Variants in OTOG observed in about 807,000 individuals in gnomAD.
The protein encoded by OTOG is otogelin.
OTOG carries 296 observed loss-of-function variants against 313.8 expected under a neutral mutation model. That is an observed-to-expected ratio of 0.94 (90% CI 0.86 to 1.04). The LOEUF (loss-of-function observed/expected upper bound fraction) is 1.04. OTOG is among the 50% of genes least tolerant of loss of function. OTOG has a pLI of 0.00. For missense variants in OTOG, 3,948 were observed against 3,840.1 expected (o/e 1.03, Z -0.74); for synonymous variants, 1,533 against 1,554.9 (o/e 0.99, Z 0.33).
At position 17,574,848 on chromosome 11, in the gene OTOG, G is replaced by C. The variant is rs1365310907; in HGVS notation, c.2422G>C (p.Val808Leu). The C allele has an allele frequency of 1.2e-5, 18 of 1,548,616 alleles. No homozygotes were observed. Among genetic ancestry groups the C allele is most frequent in the Non-Finnish European group, 1.6e-5 (18 of 1,145,946 alleles). ...CGATGACCTGAGCAGAGACGAGTGT[G>C]TGGAGGGCTGTGCCTGCCCACCGGA... Reference protein sequence around the residue: ...GGDDLSRDECVEGCACPPDTY... With the variant: ...GGDDLSRDECLEGCACPPDTY... Residue 808 changes from valine (V) to leucine (L), a missense_variant, in exon 20 of 56, where the codon GTG (valine) becomes CTG (leucine). Coordinates refer to ENST00000399397, the MANE Select transcript of OTOG (RefSeq NM_001292063.2).
At chr11:17,569,672 A>G (rs1484335807) in intron 16 of OTOG, among the ~76,000 whole-genome samples, 3 of 152,244 alleles carry the variant, frequency 2.0e-5, no homozygotes, top group Non-Finnish European at 4.4e-5. Context: ...AAAACCTAGC[A>G]CCAGAAAGAA....
chr11:17,559,143 A>G lies in OTOG; in HGVS notation c.1195A>G (p.Thr399Ala). ...AGGGCGGCCCTTGCAAGGCTGGAGG[A>G]CCCAGCTCCGGCAATGCAGTAGGTG... Reference protein sequence around the residue: ...QAGRPLQGWRTQLRQCTVHCK... With the variant: ...QAGRPLQGWRAQLRQCTVHCK... Residue 399 changes from threonine to alanine, a missense_variant, in exon 11 of 56, where the codon ACC becomes GCC. Thr to Ala is a moderately conservative substitution (Grantham distance 58). Transcript: ENST00000399397. The G allele has an allele frequency of 1.3e-6, 2 of 1,539,448 alleles. No individual in the cohort carries two copies. The highest frequency in any genetic ancestry group is 2.4e-5 in the East Asian group (1 of 40,894).
At chr11:17,625,516 G>A (rs1853962423) in intron 39 of OTOG, among the ~76,000 whole-genome samples, 1 of 152,114 alleles carries the variant, frequency 6.6e-6, no homozygotes. Flanking sequence ...ACTTGATCGT[G>A]GTGAATAAGC....
intron 39 of OTOG, among the ~76,000 whole-genome samples, chr11:17,618,020 C>A (rs562881122): frequency 6.6e-6 from 1 of 151,958 alleles, no homozygotes; most frequent in African/African-American, 2.4e-5. Context: ...TCACACCATT[C>A]TCCTGCCTCA....
intron 39 of OTOG, among the ~76,000 whole-genome samples, chr11:17,624,399 T>C (rs1231973505): frequency 1.3e-5 from 2 of 152,256 alleles, no homozygotes; most frequent in Non-Finnish European, 2.9e-5. Flanking sequence ...GTAGCATCTA[T>C]TGAATAGAGA....
chr11:17,618,486 A>T (rs1853779567), intron 39 of OTOG, among the ~76,000 whole-genome samples: 1 of 152,154 alleles, frequency 6.6e-6, no homozygotes, highest in African/African-American at 2.4e-5. Flanking sequence ...AGTAAGATTT[A>T]TTTTATGTCC....
intron 25 of OTOG, among the ~76,000 whole-genome samples, chr11:17,591,997 GA>G (rs1852954203): frequency 1.3e-5 from 2 of 152,214 alleles, no homozygotes; most frequent in African/African-American, 4.8e-5. Context: ...CAGGCTAAGG[GA>G]AGTTAGGTAA....
At chr11:17,634,620 G>A (rs1234835150) in intron 44 of OTOG, among the ~76,000 whole-genome samples, 1 of 152,188 alleles carries the variant, frequency 6.6e-6, no homozygotes, top group East Asian at 1.9e-4. Flanking sequence ...GTTGCTGTGA[G>A]ATGGGGTGCG....
intron 11 of OTOG, 75 bp downstream of exon 11, chr11:17,559,236 T>C (rs1852125092): frequency 8.7e-7 from 1 of 1,148,380 alleles, no homozygotes. Context: ...GCTCAATGTC[T>C]TGTCCTGCTC....
chr11:17,553,509 T>C lies in OTOG; in HGVS notation c.530T>C (p.Phe177Ser). The part of the protein sequence containing the change: ...VGRHEPEGQS[F>S]SIQVHNDPQC... Reference sequence around the variant, plus strand: ...CGCCATGAGCCCGAGGGACAGAGCTTCTCCATCCAGGTGAGGCCTCCCCTG... The same window carrying C: ...CGCCATGAGCCCGAGGGACAGAGCTCCTCCATCCAGGTGAGGCCTCCCCTG... Residue 177 changes from phenylalanine (F) to serine (S), a missense_variant, in exon 6 of 56, where the codon TTC becomes TCC. By Grantham distance (155) the Phe-to-Ser change is radical (BLOSUM62 -2). Transcript: ENST00000399397. The C allele has an allele frequency of 7.0e-7, 1 of 1,438,324 alleles. No individual in the cohort carries two copies. Among genetic ancestry groups the C allele is most frequent in the East Asian group, 2.6e-5 (1 of 39,182 alleles). 89.1% of individuals were successfully genotyped at this position (1,438,324 alleles called of 1,614,324 possible). A position where few individuals can be genotyped will look rare whatever the true frequency, so the allele number is the denominator to read the frequency against.
chr11:17,574,443 T>C (rs1852472626), intron 19 of OTOG, among the ~76,000 whole-genome samples: 1 of 152,078 alleles, frequency 6.6e-6, no homozygotes, highest in Non-Finnish European at 1.5e-5. Context: ...CTCAGAGGAA[T>C]GCCTTTTGGA....
chr11:17,563,252 C>T (rs1852227882), intron 15 of OTOG, among the ~76,000 whole-genome samples: 1 of 152,192 alleles, frequency 6.6e-6, no homozygotes, highest in South Asian at 2.1e-4. Flanking sequence ...TGGGCTGTGC[C>T]AAAGCTCTTC....
intron 49 of OTOG, among the ~76,000 whole-genome samples, chr11:17,640,171 G>A (rs1847940722): frequency 6.6e-6 from 1 of 152,132 alleles, no homozygotes; most frequent in Admixed American, 6.5e-5. Flanking sequence ...GCTTTCATGT[G>A]TATTATTTAT....
At chr11:17,551,540 T>TG (rs1033531390) in intron 3 of OTOG, among the ~76,000 whole-genome samples, 1 of 151,186 alleles carries the variant, frequency 6.6e-6, no homozygotes, top group Non-Finnish European at 1.5e-5. Flanking sequence ...AAGGTTGGGG[T>TG]GGGGGTGGCT....
At position 17,610,422 on chromosome 11, in the gene OTOG, C is replaced by T. The variant is rs1343864768; in HGVS notation, c.5122C>T (p.Pro1708Ser). The change falls in exon 36 of 56, where the codon CCT becomes TCT. Residue 1708 changes from proline to serine, a missense_variant. By Grantham distance (74) the Pro-to-Ser change is moderately conservative (BLOSUM62 -1). Coordinates refer to ENST00000399397, the MANE Select transcript of OTOG (RefSeq NM_001292063.2). ...GGCTGGAACAGCAGCAGAACAGGTT[C>T]CTGTCAGTCCCCTTGCAACCAGGAG... is the stretch of plus-strand genomic sequence containing the variant. ...TVAGTAAEQV[P>S]VSPLATRSLE... The T allele has an allele frequency of 2.6e-6, 4 of 1,550,438 alleles. No individual in the cohort carries two copies. Among genetic ancestry groups the T allele is most frequent in the African/African-American group, 1.4e-5 (1 of 73,066 alleles).
Position 17,558,357 on chromosome 11 carries a change from C to T in OTOG, c.996+42C>T, listed in dbSNP as rs1025087383. The T allele has an allele frequency of 2.1e-5, 32 of 1,546,182 alleles. No individual in the cohort carries two copies. In the African/African-American group the frequency reaches 3.6e-4, roughly 17 times the overall value. On this transcript the variant is annotated intron_variant, in intron 9 of 55. Coordinates refer to ENST00000399397, the MANE Select transcript of OTOG (RefSeq NM_001292063.2). ...GAAACTCCCCTACCCTAGAGCCTGA[C>T]TTGCTATCCAACTCTTCGAAAGCCA...
intron 35 of OTOG, 52 bp from the exon 36 acceptor site, chr11:17,609,603 C>A: frequency 7.1e-7 from 1 of 1,411,082 alleles, no homozygotes; most frequent in Non-Finnish European, 9.5e-7. Flanking sequence ...CAGCAATGAC[C>A]CCCGGGGCAG....
intron 3 of OTOG, among the ~76,000 whole-genome samples, chr11:17,550,512 T>C (rs1375411843): frequency 1.3e-5 from 2 of 152,204 alleles, no homozygotes; most frequent in Non-Finnish European, 2.9e-5. Flanking sequence ...AGACTAATCA[T>C]TTGGACAAGA....
At position 17,558,195 on chromosome 11, in the gene OTOG, TGA is replaced by T. The variant is rs1465260371; in HGVS notation, c.877_878del (p.Asp293ArgfsTer4). On this transcript the variant is annotated frameshift_variant, in exon 9 of 56. Coordinates refer to ENST00000399397, the MANE Select transcript of OTOG (RefSeq NM_001292063.2). LOFTEE classifies it high-confidence loss of function. The stretch of plus-strand genomic sequence containing the variant: ...AGCTCCCTCCTCCAGGGAAGCTGAC[TGA>T]CGACGTGGTTGAGTTTGTGCACAGC... ...DLVTSSGKLTDDVVEFVHSWQ... is the reference protein window; with the variant it reads ...DLVTSSGKLTXDVVEFVHSWQ... 2.6e-6 allele frequency: 4 copies of T among 1,550,468 alleles called. No individual in the cohort carries two copies. In the East Asian group the frequency reaches 9.8e-5, roughly 38 times the overall value.
Sources: gnomAD v4.1 joint callset for allele counts (sites outside exome capture counted in the v4.1 genomes callset) on GRCh38, gnomAD v4.1.1 for gene constraint, MANE v1.5 for transcripts, NCBI Gene and HGNC (gene_info 2026-07-23, HGNC 2026-07-21) for gene names.